PLCL1: variants seen among roughly 807,000 people sequenced by gnomAD.
PLCL1 encodes the protein phospholipase C like 1 (inactive), also known as inactive phospholipase C-like protein 1.
A neutral mutation model predicts 84.4 loss-of-function variants in PLCL1; 41 were observed. The observed-to-expected ratio is 0.49, with a 90% CI of 0.38 to 0.63. The LOEUF is 0.63. PLCL1 is among the 30% of genes least tolerant of loss of function. The pLI is 0.00. For missense variants in PLCL1, 1,206 were observed against 1,367.8 expected, an observed-to-expected ratio of 0.88 and a Z score of 1.87; for synonymous variants, 490 against 488.3, an observed-to-expected ratio of 1.00 and a Z score of -0.05.
At chr2:197,956,418 T>A (rs1336906706) in intron 1 of PLCL1, among the ~76,000 whole-genome samples, 1 of 152,194 alleles carries the variant, frequency 6.6e-6, no homozygotes, top group African/African-American at 2.4e-5. Flanking sequence ...TGATTTATGA[T>A]CTTTTGGGTA....
At chr2:197,974,420 AG>A (rs1270166978) in intron 1 of PLCL1, among the ~76,000 whole-genome samples, 1 of 152,182 alleles carries the variant, frequency 6.6e-6, no homozygotes, top group African/African-American at 2.4e-5. Flanking sequence ...AAAAAAAAGA[AG>A]CCCTCCTTTA....
At chr2:198,061,687 CCT>C (rs1364846914) in intron 1 of PLCL1, among the ~76,000 whole-genome samples, 6 of 152,160 alleles carry the variant, frequency 3.9e-5, no homozygotes, top group Non-Finnish European at 8.8e-5. Flanking sequence ...GCAACTTCCA[CCT>C]CCCGGGTTCA....
chr2:197,868,147 T>A (rs1481251078), intron 1 of PLCL1, among the ~76,000 whole-genome samples: 1 of 152,174 alleles, frequency 6.6e-6, no homozygotes. Context: ...TTGTGAACCT[T>A]TTATGTCCAG....
At chr2:197,967,354 G>A (rs1269218883) in intron 1 of PLCL1, among the ~76,000 whole-genome samples, 1 of 151,920 alleles carries the variant, frequency 6.6e-6, no homozygotes, top group Non-Finnish European at 1.5e-5. Context: ...GTGCCACCAC[G>A]CCCAGCTAAT....
rs142238642 is a variant in PLCL1, at chr2:197,998,830, G to A, written c.241-84928G>A. Among the ~76,000 whole-genome samples, 374 of 152,162 alleles carry A rather than the reference G, an allele frequency of 2.5e-3. 1 individual carries two copies. The highest frequency in any genetic ancestry group is 8.5e-3 in the African/African-American group (352 of 41,512). On this transcript the variant is annotated intron_variant, in intron 1 of 5. Coordinates refer to ENST00000428675, the MANE Select transcript of PLCL1 (RefSeq NM_006226.4). ...TACTTCTATGTCTTCACTGTCTTAC[G>A]ATCTTGATCAAACAGACAACACACT...
intron 1 of PLCL1, among the ~76,000 whole-genome samples, chr2:198,031,019 A>G (rs534073294): frequency 6.6e-6 from 1 of 152,286 alleles, no homozygotes; most frequent in East Asian, 1.9e-4. Context: ...GCTCTAAAAC[A>G]TATTTAAACA....
At chr2:197,821,062 G>A (rs952019627) in intron 1 of PLCL1, among the ~76,000 whole-genome samples, 24 of 152,226 alleles carry the variant, frequency 1.6e-4, no homozygotes, top group Admixed American at 3.3e-4. Context: ...GGATCACGGT[G>A]CTATAACCCA....
chr2:198,094,124 C>T (rs1002375339), intron 3 of PLCL1, among the ~76,000 whole-genome samples: 22 of 152,072 alleles, frequency 1.4e-4, no homozygotes, highest in African/African-American at 4.8e-4. Context: ...TACAGTGGCG[C>T]GATCTCAGCT....
chr2:198,047,369 A>G (rs1691831673), intron 1 of PLCL1, among the ~76,000 whole-genome samples: 1 of 152,004 alleles, frequency 6.6e-6, no homozygotes, highest in African/African-American at 2.4e-5. Context: ...TTTTTATTAG[A>G]GATGGGGTTT....
chr2:198,142,201 G>A (rs1403058906), intron 5 of PLCL1, among the ~76,000 whole-genome samples: 2 of 151,918 alleles, frequency 1.3e-5, no homozygotes, highest in African/African-American at 4.8e-5. Flanking sequence ...ATCTTTTGAT[G>A]GGTTATAAGA....
At chr2:197,984,144 C>T (rs936043054) in intron 1 of PLCL1, among the ~76,000 whole-genome samples, 19 of 152,208 alleles carry the variant, frequency 1.2e-4, no homozygotes, top group South Asian at 4.2e-4. Flanking sequence ...CTGTGGAAAA[C>T]GGGTACTTTC....
chr2:198,094,939 G>A (rs568974862), intron 3 of PLCL1, among the ~76,000 whole-genome samples: 2 of 152,298 alleles, frequency 1.3e-5, no homozygotes, highest in Admixed American at 1.3e-4. Flanking sequence ...ACGGCTGGAG[G>A]TGGGAAGTGT....
At chr2:198,052,583 C>CCATAA (rs1691965086) in intron 1 of PLCL1, among the ~76,000 whole-genome samples, 1 of 150,892 alleles carries the variant, frequency 6.6e-6, no homozygotes, top group Admixed American at 6.6e-5. Flanking sequence ...AGCATTATTT[C>CCATAA]AGCACCAACC....
chr2:198,059,223 A>G (rs1692133977), intron 1 of PLCL1, among the ~76,000 whole-genome samples: 1 of 152,192 alleles, frequency 6.6e-6, no homozygotes, highest in South Asian at 2.1e-4. Context: ...GTGTATACCT[A>G]TGAAAAGGGA....
intron 1 of PLCL1, among the ~76,000 whole-genome samples, chr2:197,935,319 GACA>G (rs750645935): frequency 2.0e-5 from 3 of 152,136 alleles, no homozygotes; most frequent in Non-Finnish European, 4.4e-5. Flanking sequence ...GTATGCTTAT[GACA>G]ACAATATTCA....
At chr2:197,948,850 T>C (rs1436473658) in intron 1 of PLCL1, among the ~76,000 whole-genome samples, 1 of 152,052 alleles carries the variant, frequency 6.6e-6, no homozygotes, top group East Asian at 1.9e-4. Flanking sequence ...GTATAAACGG[T>C]GTTGTGTTCC....
chr2:198,032,561 CA>C (rs1458784445), intron 1 of PLCL1, among the ~76,000 whole-genome samples: 1 of 151,992 alleles, frequency 6.6e-6, no homozygotes, highest in African/African-American at 2.4e-5. Context: ...CATAAATTAA[CA>C]TTTTTTTTAG....
chr2:198,120,280 T>C (rs72914779), intron 5 of PLCL1, among the ~76,000 whole-genome samples: 11,150 of 152,076 alleles, frequency 0.073, 563 homozygotes, highest in Non-Finnish European at 0.1. Flanking sequence ...CATGGAAAAT[T>C]GGTTATCCAT....
At chr2:197,850,789 C>G (rs1687219682) in intron 1 of PLCL1, among the ~76,000 whole-genome samples, 1 of 152,084 alleles carries the variant, frequency 6.6e-6, no homozygotes, top group African/African-American at 2.4e-5. Flanking sequence ...ATTTGAGATT[C>G]AAGAACACAT....
Sources: gnomAD v4.1 joint callset for allele counts (sites outside exome capture counted in the v4.1 genomes callset) on GRCh38, gnomAD v4.1.1 for gene constraint, MANE v1.5 for transcripts, NCBI Gene and HGNC (gene_info 2026-07-23, HGNC 2026-07-21) for gene names.